TAC3: variants seen among roughly 807,000 people sequenced by gnomAD.
TAC3 encodes tachykinin precursor 3.
In TAC3, 9 loss-of-function variants were observed where a neutral mutation model predicts 16.5. The ratio of observed to expected loss-of-function variants is 0.55; its 90% confidence interval spans 0.33 to 0.95. The LOEUF is 0.95. Ranked by LOEUF, TAC3 falls within the 40% of genes least tolerant of loss-of-function variation. TAC3 has a pLI of 0.03. For missense variants in TAC3, 129 were observed against 149.1 expected (o/e 0.87, Z 0.70); for synonymous variants, 52 against 56.7 (o/e 0.92, Z 0.37).
At chr12:57,013,242 G>T in intron 4 of TAC3, 117 bp downstream of exon 4, 1 of 1,301,918 alleles carries the variant, frequency 7.7e-7, no homozygotes, top group Non-Finnish European at 1.1e-6. Context: ...AGCAGTGGGA[G>T]CTGGCATATT....
At chr12:57,012,723 G>C (rs533437234) in intron 5 of TAC3, 99 bp downstream of exon 5, 1 of 1,613,436 alleles carries the variant, frequency 6.2e-7, no homozygotes, top group East Asian at 2.2e-5. Flanking sequence ...GGTAAGAAAG[G>C]TCCTGTCTTT....
Position 57,012,397 on chromosome 12 carries a change from A to G in TAC3, c.348T>C (p.Tyr116=), listed in dbSNP as rs1457680629. Residue 116 remains tyrosine (Y), a synonymous_variant, in exon 6 of 7, where the codon TAT becomes TAC. Coordinates refer to ENST00000458521, the MANE Select transcript of TAC3 (RefSeq NM_013251.4). ...CCTTACCCTATTCTGCTCTCGGGGG[A>G]TACTTGAGGATGCCAAAGCTGGGGA... is the stretch of plus-strand genomic sequence containing the variant. ...ENVPSFGILK[Y]PPRAE 9.5e-6 allele frequency: 15 copies of G among 1,577,500 alleles called. No homozygotes were observed. The highest frequency in any genetic ancestry group is 1.1e-5 in the South Asian group (1 of 90,626).
intron 6 of TAC3, 65 bp from the exon 7 acceptor site, chr12:57,010,353 A>C: frequency 2.8e-6 from 1 of 351,666 alleles, no homozygotes; most frequent in Non-Finnish European, 5.6e-6. Flanking sequence ...TCCTGTAAAA[A>C]AGTCCCACTG....
chr12:57,015,769 A>G lies in TAC3; in HGVS notation c.29T>C (p.Ile10Thr). The G allele has an allele frequency of 6.2e-7, 1 of 1,614,174 alleles. No homozygotes were observed. The highest frequency in any genetic ancestry group is 8.5e-7 in the Non-Finnish European group (1 of 1,180,014). Residue 10 changes from isoleucine to threonine, a missense_variant, in exon 2 of 7, where the codon ATC (isoleucine) becomes ACC (threonine). Physicochemically the swap from Ile to Thr is moderately conservative, Grantham distance 89. Coordinates refer to ENST00000458521, the MANE Select transcript of TAC3 (RefSeq NM_013251.4). Reference sequence around the variant, plus strand: ...GCTCTGAGCTAGGCTGAAGGCCAGGATGGCTGTGAATAGCAGCATGATCCT... The same window carrying G: ...GCTCTGAGCTAGGCTGAAGGCCAGGGTGGCTGTGAATAGCAGCATGATCCT... MRIMLLFTA[I>T]LAFSLAQSFG...
intron 5 of TAC3, 51 bp from the exon 6 acceptor site, chr12:57,012,503 T>A (rs2136417954): frequency 6.2e-7 from 1 of 1,608,442 alleles, no homozygotes; most frequent in East Asian, 2.2e-5. Context: ...GAATGTGAAC[T>A]ACACCCTGAT....
At position 57,013,741 on chromosome 12, in the gene TAC3, A is replaced by G. The variant is rs555076294; in HGVS notation, c.115-70T>C. ...GATCCACTCATCCTTTTCCCACAAG[A>G]AACAGCCTCTTCCTGAGCCCATCCT... On this transcript the variant is annotated intron_variant, in intron 2 of 6. Coordinates refer to ENST00000458521, the MANE Select transcript of TAC3 (RefSeq NM_013251.4). 1.5e-4 allele frequency: 188 copies of G among 1,276,914 alleles called. 2 individuals are homozygous for G. The Admixed American group carries it at 3.5e-3, about 24-fold the overall frequency. 79.1% of individuals were successfully genotyped at this position (1,276,914 alleles called of 1,614,324 possible). A position where few individuals can be genotyped will look rare whatever the true frequency, so the allele number is the denominator to read the frequency against.
rs747972712 is a variant in TAC3, at chr12:57,015,772, G to C, written c.26C>G (p.Ala9Gly). 1.2e-6 allele frequency: 2 copies of C among 1,614,132 alleles called. No individual in the cohort carries two copies. The highest frequency in any genetic ancestry group is 1.7e-6 in the Non-Finnish European group (2 of 1,180,004). ...CTGAGCTAGGCTGAAGGCCAGGATG[G>C]CTGTGAATAGCAGCATGATCCTCAT... is the stretch of plus-strand genomic sequence containing the variant. Reference protein sequence around the residue: MRIMLLFTAILAFSLAQSF... With the variant: MRIMLLFTGILAFSLAQSF... The change falls in exon 2 of 7, where the codon GCC (alanine) becomes GGC (glycine). Residue 9 changes from alanine (A) to glycine (G), a missense_variant. Physicochemically the swap from Ala to Gly is moderately conservative, Grantham distance 60. Coordinates refer to ENST00000458521, the MANE Select transcript of TAC3 (RefSeq NM_013251.4).
rs1206204217 is a variant in TAC3 at position 57,012,675 on chromosome 12, G to A, written c.292+147C>T. On this transcript the variant is annotated intron_variant, in intron 5 of 6. Coordinates refer to ENST00000458521, the MANE Select transcript of TAC3 (RefSeq NM_013251.4). ...AGGGAAGACTTTCCTGTGGATCCAA[G>A]CTGATTGGGATGAAGGGGCCGAGGA... 4 of 1,612,902 alleles carry A rather than the reference G, an allele frequency of 2.5e-6. No homozygotes were observed. In the African/African-American group the frequency reaches 5.3e-5, roughly 22 times the overall value.
At chr12:57,012,303 G>A in intron 6 of TAC3, 75 bp downstream of exon 6, 1 of 1,336,218 alleles carries the variant, frequency 7.5e-7, no homozygotes, top group Non-Finnish European at 1.1e-6. Context: ...TGTAGCATGG[G>A]AGGAAATGCA....
At chr12:57,013,809 A>G in intron 2 of TAC3, 138 bp from the exon 3 acceptor site, 1 of 758,534 alleles carries the variant, frequency 1.3e-6, no homozygotes, top group South Asian at 1.6e-5. Flanking sequence ...TCTGGTTCAC[A>G]CTGGACGAGA....
At chr12:57,012,043 A>G in intron 6 of TAC3, 1 of 334,388 alleles carries the variant, frequency 3.0e-6, no homozygotes, top group South Asian at 3.2e-5. Context: ...TAATTTCTCC[A>G]TCTTTTTGCA....
intron 6 of TAC3, 53 bp downstream of exon 6, chr12:57,012,325 C>A: frequency 1.3e-6 from 2 of 1,508,940 alleles, no homozygotes; most frequent in South Asian, 2.3e-5. Flanking sequence ...AGCTGGCAAC[C>A]CCCACAGCCC....
At chr12:57,012,236 G>A (rs766373589) in intron 6 of TAC3, 142 bp downstream of exon 6, 11 of 762,450 alleles carry the variant, frequency 1.4e-5, no homozygotes, top group South Asian at 4.7e-5. Context: ...GTGTTTGGCC[G>A]ACAGTGTGCT....
At position 57,013,463 on chromosome 12, in the gene TAC3, C is replaced by A. The variant is rs1226594440; in HGVS notation, c.209-75G>T. 5.6e-6 allele frequency: 9 copies of A among 1,598,536 alleles called. No individual in the cohort carries two copies. In the Admixed American group the frequency reaches 1.3e-4, roughly 24 times the overall value. On this transcript the variant is annotated intron_variant, in intron 3 of 6. Transcript: ENST00000458521. ...ATGAGAGCGGGGTTCAGATCACAACCCTCACCGATTCACTAAGCTATCCCC... is the reference window on the plus strand; with the variant it reads ...ATGAGAGCGGGGTTCAGATCACAACACTCACCGATTCACTAAGCTATCCCC...
At chr12:57,010,901 G>C (rs934041871) in intron 6 of TAC3, 7 of 152,240 alleles carry the variant, frequency 4.6e-5, no homozygotes, top group African/African-American at 1.7e-4. Context: ...CCCTCTGAAA[G>C]AGCCTGGATG....
intron 4 of TAC3, chr12:57,013,125 C>G (rs1367942358): frequency 4.2e-6 from 3 of 714,398 alleles, no homozygotes; most frequent in Non-Finnish European, 7.1e-6. Flanking sequence ...ACGAAGAGAT[C>G]CCCTTGTTTT....
chr12:57,011,206 G>A (rs573105626), intron 6 of TAC3, among the ~76,000 whole-genome samples: 1 of 152,232 alleles, frequency 6.6e-6, no homozygotes, highest in East Asian at 1.9e-4. Flanking sequence ...CTCAGTCTCT[G>A]GTCCCAGGAA....
intron 2 of TAC3, among the ~76,000 whole-genome samples, chr12:57,015,277 C>A (rs1401805222): frequency 6.6e-6 from 1 of 152,070 alleles, no homozygotes; most frequent in African/African-American, 2.4e-5. Context: ...ACACAAATAA[C>A]CATTTGGGAA....
chr12:57,012,417 TG>T lies in TAC3; in HGVS notation c.327del (p.Ser110AlafsTer48). 6.2e-7 allele frequency: 1 copy of T among 1,613,786 alleles called. No homozygotes were observed. The highest frequency in any genetic ancestry group is 8.5e-7 in the Non-Finnish European group (1 of 1,179,890). On this transcript the variant is annotated frameshift_variant, in exon 6 of 7. Transcript: ENST00000458521. LOFTEE classifies it high-confidence loss of function. ...SPTDVNQENVPSFGILKYPPR... is the reference protein window; with the variant it reads ...SPTDVNQENVXSFGILKYPPR... The stretch of plus-strand genomic sequence containing the variant: ...GGGGGATACTTGAGGATGCCAAAGC[TG>T]GGGACGTTCTCTTGATTCACATCCG...
Sources: allele counts gnomAD v4.1 joint callset (sites outside exome capture counted in the v4.1 genomes callset), GRCh38; gene constraint gnomAD v4.1.1; transcripts MANE v1.5; gene names NCBI Gene and HGNC (gene_info 2026-07-23, HGNC 2026-07-21).